PDE1A: variants seen among roughly 807,000 people sequenced by gnomAD.
PDE1A encodes the protein phosphodiesterase 1A.
A neutral mutation model predicts 61.7 loss-of-function variants in PDE1A; 35 were observed. That is an observed-to-expected ratio of 0.57 (90% CI 0.43 to 0.75). The LOEUF (loss-of-function observed/expected upper bound fraction) is 0.75. PDE1A is among the 30% of genes least tolerant of loss of function. PDE1A has a pLI of 0.00. For synonymous variants in PDE1A, 232 were observed against 213.2 expected (o/e 1.09, Z -0.77); for missense variants, 597 against 630.6 (o/e 0.95, Z 0.57).
chr2:182,140,723 C>T (rs1171877082), exon 15 of PDE1A: 1 of 152,202 alleles, frequency 6.6e-6, no homozygotes, highest in Non-Finnish European at 1.5e-5. Flanking sequence ...TTCAGATGGC[C>T]TCAACAGTAA....
Position 182,205,936 on chromosome 2 carries a change from T to C in PDE1A, c.902+4A>G. The C allele has an allele frequency of 6.2e-7, 1 of 1,602,748 alleles. No homozygotes were observed. Among genetic ancestry groups the C allele is most frequent in the South Asian group, 1.1e-5 (1 of 89,170 alleles). On this transcript the variant is annotated splice_donor_region_variant and intron_variant, in intron 8 of 13. Transcript: ENST00000351439. Reference sequence around the variant, plus strand: ...ATTTCCTCTAGGTTTTCTCTGAAACTCACCTCCAGTCATCTTTGGATAAAT... The same window carrying C: ...ATTTCCTCTAGGTTTTCTCTGAAACCCACCTCCAGTCATCTTTGGATAAAT...
intron 3 of PDE1A, among the ~76,000 whole-genome samples, chr2:182,236,336 A>C (rs1311097657): frequency 1.3e-5 from 2 of 150,646 alleles, no homozygotes; most frequent in Admixed American, 1.3e-4. Flanking sequence ...ATCAACAGTG[A>C]TACTCAGGTG....
intron 10 of PDE1A, among the ~76,000 whole-genome samples, chr2:182,192,769 CCTG>C (rs1685808998): frequency 6.6e-6 from 1 of 152,102 alleles, no homozygotes; most frequent in Non-Finnish European, 1.5e-5. Flanking sequence ...ACAGCTTATA[CCTG>C]TCTTTACAAT....
chr2:182,422,684 A>G (rs12989198), intron 1 of PDE1A, among the ~76,000 whole-genome samples: 54,202 of 151,976 alleles, frequency 0.36, 11,174 homozygotes, highest in East Asian at 0.67. Context: ...ATTTAATATT[A>G]AAACACAAAT....
the PDE1A span, among the ~76,000 whole-genome samples, chr2:182,559,705 A>G: frequency 6.6e-6 from 1 of 152,194 alleles, no homozygotes; most frequent in Admixed American, 6.6e-5. Flanking sequence ...TTATTCAAAT[A>G]GCATCAAACT....
At chr2:182,240,602 A>G (rs1690424393) in intron 2 of PDE1A, among the ~76,000 whole-genome samples, 1 of 152,174 alleles carries the variant, frequency 6.6e-6, no homozygotes, top group African/African-American at 2.4e-5. Context: ...CTAATAATGA[A>G]TAAAACTAAG....
At chr2:182,296,511 G>T (rs920838218) in intron 1 of PDE1A, among the ~76,000 whole-genome samples, 16 of 152,148 alleles carry the variant, frequency 1.1e-4, no homozygotes, top group Non-Finnish European at 1.9e-4. Context: ...TATAGATACC[G>T]ATATAGATAT....
At chr2:182,254,534 C>T (rs1304982315) in intron 2 of PDE1A, among the ~76,000 whole-genome samples, 4 of 152,180 alleles carry the variant, frequency 2.6e-5, no homozygotes, top group African/African-American at 9.7e-5. Flanking sequence ...TCCTGTCACC[C>T]TCCTGGTAGT....
exon 15 of PDE1A, chr2:182,142,002 G>A (rs1171779328): frequency 6.6e-6 from 1 of 152,172 alleles, no homozygotes; most frequent in Non-Finnish European, 1.5e-5. Context: ...GGCAAAACAT[G>A]ACAAGGAAGC....
At chr2:182,246,990 T>C (rs1255462495) in intron 2 of PDE1A, among the ~76,000 whole-genome samples, 1 of 152,102 alleles carries the variant, frequency 6.6e-6, no homozygotes, top group Non-Finnish European at 1.5e-5. Context: ...ATGAGTGGAG[T>C]AAGGATGGAA....
intron 1 of PDE1A, among the ~76,000 whole-genome samples, chr2:182,292,110 C>A (rs1559302513): frequency 6.6e-6 from 1 of 151,974 alleles, no homozygotes. Flanking sequence ...AAGAAATATT[C>A]TTTTTGAAAT....
At chr2:182,256,072 CTTTTATT>C (rs1691780343) in intron 2 of PDE1A, among the ~76,000 whole-genome samples, 9 of 69,448 alleles carry the variant, frequency 1.3e-4, no homozygotes, top group African/African-American at 3.4e-4. Flanking sequence ...GTTTATTTTT[CTTTTATT>C]TTTCTTTCTT....
chr2:182,522,584 C>T (rs879889716), intron 1 of PDE1A: 16 of 1,372,302 alleles, frequency 1.2e-5, no homozygotes, highest in African/African-American at 1.5e-5. Context: ...CACCACCCCC[C>T]TAAGCAGACA....
At chr2:182,244,264 G>T (rs1431935657) in intron 2 of PDE1A, among the ~76,000 whole-genome samples, 1 of 151,990 alleles carries the variant, frequency 6.6e-6, no homozygotes, top group African/African-American at 2.4e-5. Context: ...GCCTATCAGA[G>T]ATCTCTTTTA....
intron 1 of PDE1A, among the ~76,000 whole-genome samples, chr2:182,404,979 T>C (rs751653292): frequency 2.0e-5 from 3 of 152,376 alleles, no homozygotes; most frequent in Non-Finnish European, 4.4e-5. Context: ...TATTATGTAC[T>C]GTACATAATT....
At chr2:182,355,389 C>T (rs939526810) in intron 1 of PDE1A, among the ~76,000 whole-genome samples, 1 of 151,434 alleles carries the variant, frequency 6.6e-6, no homozygotes, top group Non-Finnish European at 1.5e-5. Flanking sequence ...AAACCTTAGG[C>T]AAAATAATTA....
intron 2 of PDE1A, among the ~76,000 whole-genome samples, chr2:182,438,997 C>CA (rs1315633848): frequency 6.6e-6 from 1 of 151,262 alleles, no homozygotes; most frequent in Non-Finnish European, 1.5e-5. Flanking sequence ...GCATTAATTG[C>CA]AAAAAAGAGT....
chr2:182,385,720 C>T (rs1399739322), intron 1 of PDE1A, among the ~76,000 whole-genome samples: 1 of 137,098 alleles, frequency 7.3e-6, no homozygotes, highest in Non-Finnish European at 1.6e-5. Context: ...CCTCTCCCTC[C>T]TCTCCCTCTC....
chr2:182,368,525 CT>C (rs34206320), intron 1 of PDE1A, among the ~76,000 whole-genome samples: 249 of 145,084 alleles, frequency 1.7e-3, no homozygotes, highest in Non-Finnish European at 1.5e-3. Context: ...TTCTCATCAC[CT>C]TTTTTTTTTT....
Sources: gnomAD v4.1 joint callset for allele counts (sites outside exome capture counted in the v4.1 genomes callset) on GRCh38, gnomAD v4.1.1 for gene constraint, MANE v1.5 for transcripts, NCBI Gene and HGNC (gene_info 2026-07-23, HGNC 2026-07-21) for gene names.